Variants in SAMMSON observed in about 807,000 individuals in gnomAD.
SAMMSON encodes the protein long intergenic non-protein coding RNA 1212.
chr3:70,082,631 A>T (rs1040662744), intron 4 of SAMMSON, among the ~76,000 whole-genome samples: 1 of 152,154 alleles, frequency 6.6e-6, no homozygotes, highest in African/African-American at 2.4e-5. Context: ...CAGTGGAAAA[A>T]ATGTGGAGTG....
intron 4 of SAMMSON, among the ~76,000 whole-genome samples, chr3:70,136,420 C>T (rs957659430): frequency 1.3e-5 from 2 of 152,184 alleles, no homozygotes; most frequent in African/African-American, 4.8e-5. Flanking sequence ...GGAACTGAGG[C>T]CTTTGCCAAT....
intron 3 of SAMMSON, among the ~76,000 whole-genome samples, chr3:70,016,873 GT>G (rs1260269349): frequency 2.6e-5 from 4 of 151,994 alleles, no homozygotes; most frequent in Admixed American, 6.6e-5. Context: ...TTTTTGTCAG[GT>G]TTGTCAAAGA....
At chr3:70,351,471 T>C (rs1162348461) in intron 7 of SAMMSON, among the ~76,000 whole-genome samples, 2 of 152,100 alleles carry the variant, frequency 1.3e-5, no homozygotes, top group Non-Finnish European at 2.9e-5. Context: ...AAGATGGAGA[T>C]GTAATTTTCC....
intron 7 of SAMMSON, among the ~76,000 whole-genome samples, chr3:70,309,666 AC>A (rs1702438176): frequency 6.6e-6 from 1 of 152,172 alleles, no homozygotes; most frequent in Non-Finnish European, 1.5e-5. Flanking sequence ...CAACCCATAT[AC>A]TTTTTCTTAA....
chr3:70,072,880 G>A (rs1324084851), intron 4 of SAMMSON, among the ~76,000 whole-genome samples: 1 of 151,982 alleles, frequency 6.6e-6, no homozygotes, highest in East Asian at 1.9e-4. Context: ...TTGATTACCA[G>A]TATGAAGTAG....
Position 70,191,623 on chromosome 3 carries a change from T to C in SAMMSON, n.508-57484T>C, listed in dbSNP as rs79166547. 6.4e-3 allele frequency among the ~76,000 whole-genome samples: 968 copies of C among 152,346 alleles called. 8 individuals are homozygous for C. Among genetic ancestry groups the C allele is most frequent in the African/African-American group, 0.022 (915 of 41,588 alleles). On this transcript the variant is annotated intron_variant and non_coding_transcript_variant, in intron 4 of 9. Transcript: ENST00000642114. ...TGAAGATGTTCCAAATTCTAATCAT[T>C]GTACAGGATAACAACTCTTAAAACA...
At chr3:70,213,810 A>G (rs1701373727) in intron 4 of SAMMSON, among the ~76,000 whole-genome samples, 1 of 152,150 alleles carries the variant, frequency 6.6e-6, no homozygotes. Context: ...GAAAATTATC[A>G]GCCAGGGTCA....
chr3:70,420,028 A>G (rs1376600121), intron 2 of SAMMSON, among the ~76,000 whole-genome samples: 1 of 152,196 alleles, frequency 6.6e-6, no homozygotes, highest in African/African-American at 2.4e-5. Flanking sequence ...AAACTCTTTG[A>G]GAGATAAGCA....
At chr3:70,357,209 ATC>A (rs1702836220) in intron 8 of SAMMSON, among the ~76,000 whole-genome samples, 2 of 152,134 alleles carry the variant, frequency 1.3e-5, no homozygotes, top group African/African-American at 2.4e-5. Context: ...CATAGCGAGA[ATC>A]TCTGTTTAAT....
chr3:70,027,698 A>C (rs2067046552), intron 3 of SAMMSON, among the ~76,000 whole-genome samples: 1 of 152,218 alleles, frequency 6.6e-6, no homozygotes, highest in African/African-American at 2.4e-5. Context: ...TCTTAGACCC[A>C]TTCATCCCCA....
chr3:70,250,640 G>A lies in SAMMSON; in HGVS notation n.674+970G>A, dbSNP rs77544716. Among the ~76,000 whole-genome samples the A allele has an allele frequency of 4.7e-4, 72 of 152,240 alleles. 1 individual carries two copies. In the East Asian group the frequency reaches 6.0e-3, roughly 13 times the overall value. ...GCGAATGTGTGTAATTTCAAATTAC[G>A]CTGTGTTTTTATTTCACAAAAATTT... is the stretch of plus-strand genomic sequence containing the variant. On this transcript the variant is annotated intron_variant and non_coding_transcript_variant, in intron 6 of 9. Coordinates refer to ENST00000642114, the Ensembl canonical transcript of SAMMSON.
chr3:70,350,810 G>A (rs778882535), intron 7 of SAMMSON, among the ~76,000 whole-genome samples: 4 of 152,162 alleles, frequency 2.6e-5, no homozygotes, highest in South Asian at 2.1e-4. Flanking sequence ...TACTGTGGAC[G>A]GCCTAATTTA....
chr3:70,057,562 T>C (rs967981398), intron 3 of SAMMSON, among the ~76,000 whole-genome samples: 1 of 152,028 alleles, frequency 6.6e-6, no homozygotes, highest in African/African-American at 2.4e-5. Context: ...TGGAAAAAAC[T>C]GTAGCTAATT....
chr3:70,319,529 TTC>T (rs1702520720), intron 7 of SAMMSON, among the ~76,000 whole-genome samples: 1 of 152,098 alleles, frequency 6.6e-6, no homozygotes, highest in African/African-American at 2.4e-5. Context: ...AGAGATAGTC[TTC>T]TCTCTCTGTC....
intron 6 of SAMMSON, among the ~76,000 whole-genome samples, chr3:70,284,081 T>G (rs1165874791): frequency 6.6e-6 from 1 of 152,158 alleles, no homozygotes; most frequent in South Asian, 2.1e-4. Context: ...TAAACCTCAG[T>G]TGGACTGGTT....
At position 70,431,687 on chromosome 3, in the gene SAMMSON, T is replaced by A. The variant is rs567624302; in HGVS notation, n.234-30873T>A. ...TTTTTGACAATTGTATAAGCTCATA[T>A]AATGATCACTCTAAACAAGATATAG... On this transcript the variant is annotated intron_variant and non_coding_transcript_variant, in intron 2 of 3. Transcript: ENST00000641053. 3.2e-4 allele frequency among the ~76,000 whole-genome samples: 49 copies of A among 152,166 alleles called. No individual in the cohort carries two copies. In the East Asian group the frequency reaches 8.5e-3, roughly 26 times the overall value.
chr3:70,045,143 ATATATATTAATTATAATATATTATAATTT>A, intron 3 of SAMMSON, among the ~76,000 whole-genome samples: 3 of 130,788 alleles, frequency 2.3e-5, no homozygotes, highest in Middle Eastern at 7.8e-3. Context: ...ATTATAATTT[ATATATATTAATTATAATATATTATAATTT>A]ATATATATCG....
chr3:70,112,171 G>A (rs577393119), intron 4 of SAMMSON, among the ~76,000 whole-genome samples: 56 of 152,168 alleles, frequency 3.7e-4, no homozygotes, highest in Admixed American at 3.3e-3. Flanking sequence ...AAGTGAAAAC[G>A]TTAAAGACAG....
chr3:70,019,029 G>A (rs1473663557), intron 3 of SAMMSON, among the ~76,000 whole-genome samples: 5 of 152,192 alleles, frequency 3.3e-5, no homozygotes, highest in African/African-American at 9.7e-5. Flanking sequence ...GAATGAGTGC[G>A]ATGTGGTGCT....
Sources: gnomAD v4.1 joint callset for allele counts (sites outside exome capture counted in the v4.1 genomes callset) on GRCh38, gnomAD v4.1.1 for gene constraint, MANE v1.5 for transcripts, NCBI Gene and HGNC (gene_info 2026-07-23, HGNC 2026-07-21) for gene names.